Variants in VIT observed in about 807,000 individuals in gnomAD.
VIT encodes the protein vitrin.
In VIT, 99 loss-of-function variants were observed where a neutral mutation model predicts 78.0. The observed-to-expected ratio is 1.27, with a 90% CI of 1.08 to 1.50. The LOEUF is 1.50. Among genes scored for constraint, VIT ranks in the 40% most tolerant of loss-of-function variants. VIT has a pLI of 0.00. For synonymous variants in VIT, 374 were observed against 334.3 expected (o/e 1.12, Z -1.29); for missense variants, 1,126 against 875.3 (o/e 1.29, Z -3.61).
chr2:36,786,175 T>G (rs188078923), intron 11 of VIT, among the ~76,000 whole-genome samples: 49 of 152,268 alleles, frequency 3.2e-4, no homozygotes, highest in Middle Eastern at 3.4e-3. Context: ...CTCTTTTTTT[T>G]TTTTCCTATA....
At chr2:36,801,496 A>G in intron 13 of VIT, 92 bp downstream of exon 13, 1 of 1,154,162 alleles carries the variant, frequency 8.7e-7, no homozygotes, top group East Asian at 2.4e-5. Flanking sequence ...AAAGGAAAAA[A>G]TAATAATAAT....
chr2:36,710,156 GATA>G, intron 1 of VIT, among the ~76,000 whole-genome samples: 1 of 152,288 alleles, frequency 6.6e-6, no homozygotes, highest in South Asian at 2.1e-4. Flanking sequence ...TGGTGGAAGT[GATA>G]ATGATAACAA....
chr2:36,713,631 AGAACC>A (rs1558507352), intron 1 of VIT, among the ~76,000 whole-genome samples: 4 of 152,214 alleles, frequency 2.6e-5, no homozygotes, highest in African/African-American at 4.8e-5. Context: ...GGGAGAGGGC[AGAACC>A]TACCACAGAT....
intron 14 of VIT, 141 bp from the exon 15 acceptor site, chr2:36,808,331 G>C: frequency 8.1e-7 from 1 of 1,230,104 alleles, no homozygotes; most frequent in Non-Finnish European, 1.1e-6. Flanking sequence ...GGTGAACCGA[G>C]ATGGAAGAAC....
At chr2:36,783,477 C>T (rs948426797) in intron 11 of VIT, 75 bp downstream of exon 11, 4 of 1,406,874 alleles carry the variant, frequency 2.8e-6, no homozygotes, top group Non-Finnish European at 4.0e-6. Flanking sequence ...CCCACTCACT[C>T]CCACTCAAAC....
chr2:36,804,589 T>C (rs1012764992), intron 13 of VIT, among the ~76,000 whole-genome samples: 21 of 152,284 alleles, frequency 1.4e-4, no homozygotes, highest in African/African-American at 3.8e-4. Context: ...CCCAGCACTT[T>C]GGGAGGCCGA....
intron 7 of VIT, 124 bp downstream of exon 7, chr2:36,767,409 G>A: frequency 9.7e-7 from 1 of 1,027,524 alleles, no homozygotes; most frequent in Non-Finnish European, 1.3e-6. Flanking sequence ...ACTGGGCCGG[G>A]GGTATGTTAT....
intron 9 of VIT, among the ~76,000 whole-genome samples, chr2:36,779,560 TC>T (rs1248268632): frequency 6.6e-6 from 1 of 152,150 alleles, no homozygotes; most frequent in Non-Finnish European, 1.5e-5. Context: ...ATACAGATCA[TC>T]CGATCACCTA....
intron 2 of VIT, among the ~76,000 whole-genome samples, chr2:36,720,075 G>C (rs6744274): frequency 6.6e-6 from 1 of 152,114 alleles, no homozygotes; most frequent in Non-Finnish European, 1.5e-5. Context: ...AGATTCTTCA[G>C]TGCAATCCTC....
At chr2:36,746,233 T>A (rs1249804847) in intron 4 of VIT, among the ~76,000 whole-genome samples, 2 of 152,202 alleles carry the variant, frequency 1.3e-5, no homozygotes, top group Non-Finnish European at 2.9e-5. Flanking sequence ...GATTTTTGCA[T>A]CTATGTTCAT....
chr2:36,750,598 G>A (rs751965131), intron 4 of VIT, among the ~76,000 whole-genome samples: 15 of 151,566 alleles, frequency 9.9e-5, no homozygotes, highest in African/African-American at 1.2e-4. Context: ...CAAGATGGGC[G>A]TATCACGAGG....
intron 5 of VIT, 32 bp from the exon 6 acceptor site, chr2:36,758,937 T>C (rs1424821744): frequency 2.6e-5 from 42 of 1,585,768 alleles, no homozygotes; most frequent in Admixed American, 3.4e-5. Context: ...GCTCTAGAAA[T>C]AAATCTCGTT....
intron 6 of VIT, among the ~76,000 whole-genome samples, chr2:36,760,082 C>T (rs1042909054): frequency 2.6e-5 from 4 of 151,708 alleles, no homozygotes. Context: ...ACAACCTCTG[C>T]CTCCCAGGTT....
At chr2:36,710,368 G>C (rs1259413660) in intron 1 of VIT, among the ~76,000 whole-genome samples, 5 of 152,130 alleles carry the variant, frequency 3.3e-5, no homozygotes, top group Admixed American at 1.3e-4. Context: ...GTGGGTTCTA[G>C]TGAAAACGCC....
intron 1 of VIT, among the ~76,000 whole-genome samples, chr2:36,702,806 C>A (rs2148410718): frequency 6.6e-6 from 1 of 152,150 alleles, no homozygotes; most frequent in East Asian, 1.9e-4. Context: ...TGTGAAGATA[C>A]CCTCCCCTAC....
At chr2:36,811,547 C>T (rs1012487698) in intron 15 of VIT, among the ~76,000 whole-genome samples, 2 of 152,168 alleles carry the variant, frequency 1.3e-5, no homozygotes, top group Non-Finnish European at 2.9e-5. Context: ...GCATTGTGTT[C>T]CTGGGAGTAT....
chr2:36,787,926 G>C (rs1471710220), intron 12 of VIT: 7 of 408,780 alleles, frequency 1.7e-5, no homozygotes, highest in Admixed American at 9.1e-5. Flanking sequence ...GATAGAAATG[G>C]AGGGCTCGTG....
At chr2:36,777,018 G>A (rs1191318042) in intron 9 of VIT, among the ~76,000 whole-genome samples, 1 of 148,364 alleles carries the variant, frequency 6.7e-6, no homozygotes, top group African/African-American at 2.4e-5. Flanking sequence ...GAACCCAGGA[G>A]GCGGAGCTTG....
intron 1 of VIT, among the ~76,000 whole-genome samples, chr2:36,699,434 A>G (rs1664882977): frequency 1.3e-5 from 2 of 152,260 alleles, no homozygotes; most frequent in East Asian, 1.9e-4. Context: ...TTAAATATGC[A>G]TGTTTACCTA....
Sources: allele counts gnomAD v4.1 joint callset (sites outside exome capture counted in the v4.1 genomes callset), GRCh38; gene constraint gnomAD v4.1.1; transcripts MANE v1.5; gene names NCBI Gene and HGNC (gene_info 2026-07-23, HGNC 2026-07-21).